Variants in MYO3A observed in about 807,000 individuals in gnomAD.
The protein encoded by MYO3A is myosin-IIIa.
A neutral mutation model predicts 192.7 loss-of-function variants in MYO3A; 180 were observed. That is an observed-to-expected ratio of 0.93 (90% confidence interval 0.83 to 1.06). The LOEUF (loss-of-function observed/expected upper bound fraction) is 1.06. Ranked by LOEUF, MYO3A falls within the 50% of genes least tolerant of loss-of-function variation. The pLI is 0.00. For synonymous variants in MYO3A, 628 were observed against 645.3 expected (o/e 0.97, Z 0.41); for missense variants, 1,896 against 1,905.0 (o/e 1.00, Z 0.09).
chr10:26,058,704 T>A (rs1564504969), intron 10 of MYO3A, among the ~76,000 whole-genome samples: 1 of 152,232 alleles, frequency 6.6e-6, no homozygotes, highest in Non-Finnish European at 1.5e-5. Context: ...TGACTTTCCA[T>A]ATAAACTTTA....
chr10:26,075,627 A>G (rs12775347), intron 14 of MYO3A, among the ~76,000 whole-genome samples: 1 of 147,016 alleles, frequency 6.8e-6, no homozygotes, highest in African/African-American at 2.5e-5. Context: ...TATGATATAT[A>G]TGTCTCTCAT....
At chr10:26,113,773 A>G (rs1195701247) in intron 17 of MYO3A, among the ~76,000 whole-genome samples, 1 of 152,148 alleles carries the variant, frequency 6.6e-6, no homozygotes, top group Non-Finnish European at 1.5e-5. Flanking sequence ...CTGTGTGTCC[A>G]ATAACTAAAC....
chr10:25,964,187 G>T (rs1197956130), intron 4 of MYO3A, among the ~76,000 whole-genome samples: 2 of 151,976 alleles, frequency 1.3e-5, no homozygotes, highest in African/African-American at 4.8e-5. Context: ...GATTGTATAT[G>T]ATTACTAAAA....
At chr10:25,936,234 A>ATT (rs372064073) in intron 2 of MYO3A, among the ~76,000 whole-genome samples, 2 of 149,310 alleles carry the variant, frequency 1.3e-5, no homozygotes, top group Non-Finnish European at 3.0e-5. Context: ...TTATAGCCTA[A>ATT]TTTTTTTTTT....
At chr10:26,127,383 T>G (rs1353671093) in intron 19 of MYO3A, among the ~76,000 whole-genome samples, 2 of 152,198 alleles carry the variant, frequency 1.3e-5, no homozygotes, top group South Asian at 4.1e-4. Flanking sequence ...TAATCTTGAC[T>G]AAACCAGCAT....
chr10:26,068,193 G>A (rs1834969858), intron 11 of MYO3A, among the ~76,000 whole-genome samples: 1 of 151,816 alleles, frequency 6.6e-6, no homozygotes. Flanking sequence ...TTTCTTTTTG[G>A]ACCTAAGATC....
At chr10:26,073,767 T>C (rs912963083) in intron 14 of MYO3A, among the ~76,000 whole-genome samples, 5 of 152,296 alleles carry the variant, frequency 3.3e-5, no homozygotes, top group South Asian at 2.1e-4. Flanking sequence ...ATGCCATTCT[T>C]GCAAATTTAA....
intron 29 of MYO3A, among the ~76,000 whole-genome samples, chr10:26,172,782 T>G (rs1842112987): frequency 6.6e-6 from 1 of 152,154 alleles, no homozygotes; most frequent in Non-Finnish European, 1.5e-5. Context: ...ACAGTAATTC[T>G]AGTCCTAGGA....
chr10:26,065,376 A>G (rs12256786), intron 10 of MYO3A, among the ~76,000 whole-genome samples: 3,362 of 151,998 alleles, frequency 0.022, 154 homozygotes, highest in African/African-American at 0.077. Flanking sequence ...TTGAGGTCAG[A>G]AGTTCGAGAC....
chr10:25,966,192 T>C (rs1317581678), intron 4 of MYO3A, among the ~76,000 whole-genome samples: 1 of 152,172 alleles, frequency 6.6e-6, no homozygotes, highest in Non-Finnish European at 1.5e-5. Context: ...CGATATACTT[T>C]GAAGAGGTAT....
chr10:26,111,945 A>G (rs1303742016), intron 17 of MYO3A, among the ~76,000 whole-genome samples: 2 of 152,098 alleles, frequency 1.3e-5, no homozygotes, highest in Non-Finnish European at 2.9e-5. Flanking sequence ...CTTCTTACAC[A>G]TTCACTTTTT....
At chr10:26,159,162 T>C (rs1841336052) in intron 26 of MYO3A, among the ~76,000 whole-genome samples, 1 of 150,748 alleles carries the variant, frequency 6.6e-6, no homozygotes, top group African/African-American at 2.4e-5. Context: ...GGCTAATTTT[T>C]TGTACTTTTA....
intron 26 of MYO3A, among the ~76,000 whole-genome samples, chr10:26,159,658 C>T (rs987477133): frequency 2.0e-5 from 3 of 152,184 alleles, no homozygotes; most frequent in Admixed American, 2.0e-4. Flanking sequence ...GGATTACAGG[C>T]GTGAGCCACT....
At chr10:26,066,161 T>C (rs2131368177) in intron 10 of MYO3A, among the ~76,000 whole-genome samples, 1 of 149,658 alleles carries the variant, frequency 6.7e-6, no homozygotes, top group South Asian at 2.1e-4. Context: ...TGGGCTTAGA[T>C]AGGGGAACAG....
chr10:25,938,854 T>C (rs1449353642), intron 2 of MYO3A, among the ~76,000 whole-genome samples: 3 of 152,204 alleles, frequency 2.0e-5, no homozygotes, highest in Non-Finnish European at 4.4e-5. Context: ...TTGCATTATA[T>C]TAGAAAAGAA....
At chr10:26,035,989 A>G (rs1257418368) in intron 10 of MYO3A, among the ~76,000 whole-genome samples, 2 of 151,896 alleles carry the variant, frequency 1.3e-5, no homozygotes, top group Non-Finnish European at 2.9e-5. Flanking sequence ...GCTGGAGTGC[A>G]GTGGCGCCAT....
intron 26 of MYO3A, among the ~76,000 whole-genome samples, chr10:26,163,364 T>TA (rs1224464185): frequency 3.9e-5 from 6 of 152,240 alleles, no homozygotes; most frequent in Non-Finnish European, 7.4e-5. Flanking sequence ...GATTTTCATT[T>TA]AAAAAAAGAT....
chr10:26,084,632 T>C (rs1836190105), intron 14 of MYO3A, among the ~76,000 whole-genome samples: 1 of 152,194 alleles, frequency 6.6e-6, no homozygotes, highest in South Asian at 2.1e-4. Context: ...GCCTTCCAAG[T>C]AGCTGGGACT....
At chr10:26,023,780 GAAAAAA>G (rs1358066354) in intron 8 of MYO3A, among the ~76,000 whole-genome samples, 4 of 152,020 alleles carry the variant, frequency 2.6e-5, no homozygotes, top group Non-Finnish European at 5.9e-5. Flanking sequence ...CTCTTTAAAA[GAAAAAA>G]TAATAACAGT....
Sources: gnomAD v4.1 joint callset for allele counts (sites outside exome capture counted in the v4.1 genomes callset) on GRCh38, gnomAD v4.1.1 for gene constraint, MANE v1.5 for transcripts, NCBI Gene and HGNC (gene_info 2026-07-23, HGNC 2026-07-21) for gene names.